Variants in PRDM1 observed in about 807,000 individuals in gnomAD.
PRDM1 encodes PR domain zinc finger protein 1.
Under a neutral mutation model 62.8 loss-of-function variants are expected in PRDM1, and 13 were observed. That is an observed-to-expected ratio of 0.21 (90% CI 0.13 to 0.33). PRDM1 has a LOEUF of 0.33. Ranked by LOEUF, PRDM1 falls within the 10% of genes least tolerant of loss-of-function variation. The pLI is 1.00. For missense variants in PRDM1, 895 were observed against 1,058.8 expected (o/e 0.85, Z 2.15); for synonymous variants, 396 against 417.6 (o/e 0.95, Z 0.63).
At chr6:106,013,261 G>A (rs1772578431) in intron 1 of PRDM1, among the ~76,000 whole-genome samples, 1 of 151,394 alleles carries the variant, frequency 6.6e-6, no homozygotes, top group South Asian at 2.1e-4. Flanking sequence ...CAGAAATTTT[G>A]TACAGGCATC....
rs1251212719 is a variant in PRDM1 at position 106,109,176 on chromosome 6, G to C, written c.*1690G>C. The C allele has an allele frequency of 4.6e-6, 1 of 215,344 alleles. No homozygotes were observed. Among genetic ancestry groups the C allele is most frequent in the African/African-American group, 2.3e-5 (1 of 43,902 alleles). The allele number at this position is 215,344 out of a possible 1,614,324, so 13.3% of individuals were successfully genotyped here. On this transcript the variant is annotated 3_prime_UTR_variant, in exon 7 of 7. Transcript: ENST00000369096. ...ACCTCACAATCACGTCGGTATGATT[G>C]GGCACCCTTGCCTACTGTAAGAGAC...
rs1040706312 is a variant in PRDM1, at chr6:106,107,590, C to G, written c.*104C>G. On this transcript the variant is annotated 3_prime_UTR_variant, in exon 7 of 7. Transcript: ENST00000369096. Reference sequence around the variant, plus strand: ...TAATCCCAGCTCTGCAAAGCTCTCTCGACAGCAAATGGTTTCCCCTCACCT... The same window carrying G: ...TAATCCCAGCTCTGCAAAGCTCTCTGGACAGCAAATGGTTTCCCCTCACCT... The G allele has an allele frequency of 5.1e-5, 53 of 1,038,388 alleles. No individual in the cohort carries two copies. The highest frequency in any genetic ancestry group is 2.8e-4 in the East Asian group (11 of 38,664). The allele number at this position is 1,038,388 out of a possible 1,614,324, so 64.3% of individuals were successfully genotyped here.
chr6:106,034,830 C>G (rs951624288), intron 1 of PRDM1, among the ~76,000 whole-genome samples: 2 of 151,916 alleles, frequency 1.3e-5, no homozygotes, highest in Non-Finnish European at 2.9e-5. Context: ...CGGGGTTTCA[C>G]TATGTTGCCC....
At chr6:106,087,413 T>TTA (rs1773837931) in intron 1 of PRDM1, among the ~76,000 whole-genome samples, 1 of 152,270 alleles carries the variant, frequency 6.6e-6, no homozygotes, top group Non-Finnish European at 1.5e-5. Context: ...GGGAATTTTA[T>TTA]TAAACGGTTT....
intron 1 of PRDM1, among the ~76,000 whole-genome samples, chr6:106,069,570 C>T (rs1773480937): frequency 6.6e-6 from 1 of 152,202 alleles, no homozygotes; most frequent in Admixed American, 6.5e-5. Flanking sequence ...GACGGCATCG[C>T]CTCACTCTTC....
chr6:106,000,005 A>T (rs1772409131), intron 1 of PRDM1, among the ~76,000 whole-genome samples: 1 of 151,872 alleles, frequency 6.6e-6, no homozygotes, highest in Non-Finnish European at 1.5e-5. Context: ...GCCTGCCACC[A>T]CGCCTGGCTA....
chr6:106,012,030 CCA>C (rs1481298941), intron 1 of PRDM1, among the ~76,000 whole-genome samples: 5 of 145,528 alleles, frequency 3.4e-5, no homozygotes, highest in Admixed American at 3.4e-4. Context: ...TACAAACATA[CCA>C]CACACACCAC....
intron 1 of PRDM1, among the ~76,000 whole-genome samples, chr6:106,063,724 G>C (rs947427559): frequency 6.6e-6 from 1 of 152,196 alleles, no homozygotes; most frequent in Non-Finnish European, 1.5e-5. Flanking sequence ...GATGGGGCAA[G>C]GAGAACAGCT....
chr6:106,074,685 A>G (rs1024938550), intron 1 of PRDM1, among the ~76,000 whole-genome samples: 1 of 152,152 alleles, frequency 6.6e-6, no homozygotes, highest in Admixed American at 6.5e-5. Context: ...GGATATAAAT[A>G]TCGGAGAGGC....
chr6:106,009,652 A>C (rs943564149), intron 1 of PRDM1, among the ~76,000 whole-genome samples: 1 of 152,190 alleles, frequency 6.6e-6, no homozygotes, highest in African/African-American at 2.4e-5. Context: ...CTGAAACCAA[A>C]GAAGGAGCTA....
Position 106,105,738 on chromosome 6 carries a change from A to C in PRDM1, c.1578A>C (p.Glu526Asp). 1.2e-6 allele frequency: 2 copies of C among 1,614,144 alleles called. No individual in the cohort carries two copies. The highest frequency in any genetic ancestry group is 1.1e-5 in the South Asian group (1 of 91,090). Residue 526 changes from glutamate to aspartate, a missense_variant, in exon 5 of 7, where the codon GAA (glutamate) becomes GAC (aspartate). Physicochemically the swap from Glu to Asp is conservative, Grantham distance 45. Transcript: ENST00000369096. ...CGGCGGGAACAGCCGCCACGGCAGA[A>C]CATGTGGTGCAGCCCAAAGCTACCT... is the stretch of plus-strand genomic sequence containing the variant. ...SPTAGTAATA[E>D]HVVQPKATSA...
chr6:106,086,446 C>G lies in PRDM1; in HGVS notation c.-108C>G. ...AGCTGGGACGCGGGCGCCCGGGCGG[C>G]CGGACGAAGCGAGGAGGGACCGCCG... On this transcript the variant is annotated 5_prime_UTR_variant, in exon 1 of 7. Coordinates refer to ENST00000369096, the MANE Select transcript of PRDM1 (RefSeq NM_001198.4). 1 of 1,140,276 alleles carries G rather than the reference C, an allele frequency of 8.8e-7. No individual in the cohort carries two copies. Among genetic ancestry groups the G allele is most frequent in the Non-Finnish European group, 1.2e-6 (1 of 801,600 alleles). 70.6% of individuals were successfully genotyped at this position (1,140,276 alleles called of 1,614,324 possible).
upstream of PRDM1, among the ~76,000 whole-genome samples, chr6:106,084,563 G>A (rs549340090): frequency 3.9e-5 from 6 of 152,308 alleles, no homozygotes; most frequent in Non-Finnish European, 8.8e-5. Context: ...TAAGAACAGA[G>A]TTTGATTCTA....
chr6:106,109,478 A>G lies in PRDM1; in HGVS notation c.*1992A>G, dbSNP rs901159482. The G allele has an allele frequency of 1.3e-5, 3 of 233,684 alleles. No homozygotes were observed. The highest frequency in any genetic ancestry group is 1.7e-5 in the Non-Finnish European group (2 of 117,964). 14.5% of individuals were successfully genotyped at this position (233,684 alleles called of 1,614,324 possible). ...AACTAATGTTCACCTGTAGAAGAGA[A>G]CAAATTTCGAATAATCCAGGGAAAC... On this transcript the variant is annotated 3_prime_UTR_variant, in exon 7 of 7. Coordinates refer to ENST00000369096, the MANE Select transcript of PRDM1 (RefSeq NM_001198.4).
At chr6:106,099,222 G>C (rs192117390) in intron 3 of PRDM1, 78 bp from the exon 4 acceptor site, 2 of 1,603,514 alleles carry the variant, frequency 1.2e-6, no homozygotes, top group African/African-American at 2.7e-5. Flanking sequence ...ACACGGTACC[G>C]GCTGTGTTTA....
At chr6:106,080,520 T>A (rs953949956) in intron 1 of PRDM1, among the ~76,000 whole-genome samples, 12 of 152,238 alleles carry the variant, frequency 7.9e-5, no homozygotes, top group African/African-American at 2.2e-4. Context: ...GCTGAAAAGA[T>A]CCTGTAGGAA....
rs553751615 is a variant in PRDM1, at chr6:106,040,544, G to A, written c.-67+46905G>A. On this transcript the variant is annotated intron_variant, in intron 1 of 6. Coordinates refer to the PRDM1 transcript ENST00000652320. The stretch of plus-strand genomic sequence containing the variant: ...ATTAAGAATCCTGGCAGCAGCAGCC[G>A]TCTGCAGCTTTTCTCTGTAAAGCAG... 6.6e-5 allele frequency among the ~76,000 whole-genome samples: 10 copies of A among 152,314 alleles called. 1 individual carries two copies. In the East Asian group the frequency reaches 1.3e-3, roughly 21 times the overall value.
upstream of PRDM1, chr6:106,045,806 T>A (rs1773064772): frequency 6.6e-6 from 1 of 152,196 alleles, no homozygotes; most frequent in Non-Finnish European, 1.5e-5. Flanking sequence ...AGAGGTTGGA[T>A]CTTTAAAACT....
In PRDM1 at chr6:106,105,179, G is replaced by A. The variant is rs1344154579; in HGVS notation, c.1019G>A (p.Arg340Lys). The A allele has an allele frequency of 1.2e-6, 2 of 1,613,148 alleles. No homozygotes were observed. The highest frequency in any genetic ancestry group is 1.1e-5 in the South Asian group (1 of 91,054). The change falls in exon 5 of 7, where the codon AGA becomes AAA. Residue 340 changes from arginine (R) to lysine (K), a missense_variant. By Grantham distance (26) the Arg-to-Lys change is conservative. Around this residue, in one of 4 missense-constraint regions of PRDM1, gnomAD observed 444 missense variants for 422.7 expected, o/e 1.05. Coordinates refer to ENST00000369096, the MANE Select transcript of PRDM1 (RefSeq NM_001198.4). ...PSSTTPSPSARSSPDQSLKSS... is the reference protein window; with the variant it reads ...PSSTTPSPSAKSSPDQSLKSS... ...TCCACCACTCCAAGCCCCTCTGCAA[G>A]AAGCAGCCCCGACCAAAGCCTCAAG...
Sources: gnomAD v4.1 joint callset for allele counts (sites outside exome capture counted in the v4.1 genomes callset) on GRCh38, gnomAD v4.1.1 for gene constraint, gnomAD v4.1.1 regional missense constraint, MANE v1.5 for transcripts, NCBI Gene and HGNC (gene_info 2026-07-23, HGNC 2026-07-21) for gene names.